FLNB: variants seen among roughly 807,000 people sequenced by gnomAD.
FLNB encodes the protein filamin B, also known as filamin-B.
FLNB carries 111 observed loss-of-function variants against 250.6 expected under a neutral mutation model. That is an observed-to-expected ratio of 0.44 (90% CI 0.38 to 0.52). FLNB has a LOEUF of 0.52. Among genes scored for constraint, FLNB ranks in the 20% least tolerant of loss-of-function variants. FLNB has a pLI of 0.00. For synonymous variants in FLNB, 1,302 were observed against 1,372.1 expected (o/e 0.95, Z 1.13); for missense variants, 2,869 against 3,447.8 (o/e 0.83, Z 4.20).
In FLNB at chr3:58,170,600, C is replaced by T. The variant is rs942330306; in HGVS notation, c.7647C>T (p.Val2549=). Residue 2549 remains valine (V), a synonymous_variant, in exon 46 of 46, where the codon GTC becomes GTT. Coordinates refer to ENST00000295956, the MANE Select transcript of FLNB (RefSeq NM_001457.4). ...GCTCCAACATGCTGCTGATCGGGGT[C>T]CATGGGCCCACCACCCCCTGCGAGG... is the stretch of plus-strand genomic sequence containing the variant. ...KAGSNMLLIG[V]HGPTTPCEEV... is the part of the protein sequence containing the mutation. 1.2e-6 allele frequency: 2 copies of T among 1,614,016 alleles called. No individual in the cohort carries two copies. Among genetic ancestry groups the T allele is most frequent in the Non-Finnish European group, 1.7e-6 (2 of 1,180,030 alleles).
At chr3:58,117,339 G>A (rs2097280189) in intron 18 of FLNB, among the ~76,000 whole-genome samples, 1 of 152,150 alleles carries the variant, frequency 6.6e-6, no homozygotes, top group South Asian at 2.1e-4. Flanking sequence ...CTGAGTTTTT[G>A]TTTTGTTTTT....
chr3:58,148,408 G>C lies in FLNB; in HGVS notation c.5887+44G>C, dbSNP rs148228951. The C allele has an allele frequency of 1.9e-4, 305 of 1,594,602 alleles. 3 individuals are homozygous for C. In the South Asian group the frequency reaches 2.9e-3, roughly 15 times the overall value. On this transcript the variant is annotated intron_variant, in intron 35 of 45. Coordinates refer to ENST00000295956, the MANE Select transcript of FLNB (RefSeq NM_001457.4). The stretch of plus-strand genomic sequence containing the variant: ...CCTGGCTGGAGCCAGGACATCTTGG[G>C]TGGGAGATGGGGACTCTTGCAGTCC...
At position 58,123,418 on chromosome 3, in the gene FLNB, C is replaced by T. The variant is rs1380554341; in HGVS notation, c.3452C>T (p.Ala1151Val). 2 of 1,613,898 alleles carry T rather than the reference C, an allele frequency of 1.2e-6. No individual in the cohort carries two copies. The highest frequency in any genetic ancestry group is 1.7e-6 in the Non-Finnish European group (2 of 1,179,934). The change falls in exon 21 of 46, where the codon GCT becomes GTT. Residue 1151 changes from alanine (A) to valine (V), a missense_variant. By Grantham distance (64) the Ala-to-Val change is moderately conservative. Around this residue, in one of 5 missense-constraint regions of FLNB, gnomAD observed 1,348 missense variants for 1,466.7 expected, o/e 0.92. Coordinates refer to ENST00000295956, the MANE Select transcript of FLNB (RefSeq NM_001457.4). ...PGLEHGKVGEAGLLSVDCSEA... is the reference protein window; with the variant it reads ...PGLEHGKVGEVGLLSVDCSEA... ...CTCGAGCACGGGAAGGTGGGTGAAG[C>T]TGGCCTCCTTAGCGTCGACTGCTCG...
chr3:58,075,594 C>A (rs2106941009), intron 1 of FLNB, among the ~76,000 whole-genome samples: 1 of 152,150 alleles, frequency 6.6e-6, no homozygotes, highest in African/African-American at 2.4e-5. Context: ...CAGCGGGAAC[C>A]CTGGTGAATT....
chr3:58,102,468 T>C lies in FLNB; in HGVS notation c.1483+128T>C. 2.8e-6 allele frequency: 3 copies of C among 1,086,816 alleles called. No homozygotes were observed. The Admixed American group carries it at 5.2e-5, about 19-fold the overall frequency. 67.3% of individuals were successfully genotyped at this position (1,086,816 alleles called of 1,614,324 possible). ...GAAGGCTATGTCAAGGATTTGAGGC[T>C]ATCTGGGCTCCTTGGGGAAGACGGC... On this transcript the variant is annotated intron_variant, in intron 9 of 45. Transcript: ENST00000295956.
chr3:58,112,474 G>A (rs2097270537), intron 18 of FLNB, among the ~76,000 whole-genome samples, 156 bp downstream of exon 18: 1 of 152,206 alleles, frequency 6.6e-6, no homozygotes, highest in South Asian at 2.1e-4. Flanking sequence ...ACCCCTCTGG[G>A]AGCACCTATA....
At chr3:58,129,978 C>T (rs564725436) in intron 24 of FLNB, among the ~76,000 whole-genome samples, 1 of 152,360 alleles carries the variant, frequency 6.6e-6, no homozygotes, top group Admixed American at 6.5e-5. Context: ...ATCTTTAAAA[C>T]TGACACCCTC....
chr3:58,069,602 G>A (rs112725210), intron 1 of FLNB, among the ~76,000 whole-genome samples: 6 of 152,012 alleles, frequency 3.9e-5, no homozygotes, highest in East Asian at 1.9e-4. Flanking sequence ...AGAAGGACAC[G>A]TCTGAGCCGG....
chr3:58,056,621 A>C (rs2097171039), intron 1 of FLNB, among the ~76,000 whole-genome samples: 1 of 152,122 alleles, frequency 6.6e-6, no homozygotes, highest in Non-Finnish European at 1.5e-5. Flanking sequence ...TTTATTTTTG[A>C]GACGGAGTCT....
At chr3:58,070,975 TCTTA>T (rs1311301330) in intron 1 of FLNB, among the ~76,000 whole-genome samples, 3 of 148,394 alleles carry the variant, frequency 2.0e-5, no homozygotes, top group African/African-American at 7.5e-5. Flanking sequence ...TGAGACAGAG[TCTTA>T]CTTTGTTGCC....
At chr3:58,070,658 CTCTTTTT>C (rs1178660637) in intron 1 of FLNB, among the ~76,000 whole-genome samples, 2 of 101,452 alleles carry the variant, frequency 2.0e-5, no homozygotes, top group East Asian at 4.1e-4. Flanking sequence ...CTCTCTCTCT[CTCTTTTT>C]TTTTTTTTTT....
chr3:58,124,829 T>A (rs2097295032), intron 22 of FLNB, among the ~76,000 whole-genome samples: 1 of 141,964 alleles, frequency 7.0e-6, no homozygotes, highest in South Asian at 2.4e-4. Context: ...TTATAAAAAA[T>A]TTCAATAAAT....
At chr3:58,072,182 T>C (rs553338367) in intron 1 of FLNB, among the ~76,000 whole-genome samples, 1 of 152,154 alleles carries the variant, frequency 6.6e-6, no homozygotes, top group Non-Finnish European at 1.5e-5. Flanking sequence ...AAAATGTATG[T>C]GGTTTGAGGG....
chr3:58,067,593 G>GTTTTTTTTTTTTTT (rs375448903), intron 1 of FLNB, among the ~76,000 whole-genome samples: 1 of 140,852 alleles, frequency 7.1e-6, no homozygotes. Flanking sequence ...TTGTTTTTTT[G>GTTTTTTTTTTTTTT]TTTTTTTTTT....
intron 1 of FLNB, among the ~76,000 whole-genome samples, chr3:58,028,810 T>A (rs2097126959): frequency 6.6e-6 from 1 of 151,536 alleles, no homozygotes; most frequent in Non-Finnish European, 1.5e-5. Flanking sequence ...GAGGTGGGAT[T>A]TCACCATGTC....
rs186076647 is a variant in FLNB at position 58,042,486 on chromosome 3, C to T, written c.292+33630C>T. 1.8e-3 allele frequency among the ~76,000 whole-genome samples: 280 copies of T among 151,844 alleles called. 1 individual carries two copies. Among genetic ancestry groups the T allele is most frequent in the Non-Finnish European group, 3.0e-3 (203 of 67,936 alleles). ...ACCTTAGTTTCCTGAGTAGCTGGGA[C>T]TACAGGCATGTGCCACCATGCCCAG... On this transcript the variant is annotated intron_variant, in intron 1 of 45. Coordinates refer to ENST00000295956, the MANE Select transcript of FLNB (RefSeq NM_001457.4).
At chr3:58,027,870 A>G (rs1576603538) in intron 1 of FLNB, among the ~76,000 whole-genome samples, 1 of 152,360 alleles carries the variant, frequency 6.6e-6, no homozygotes, top group East Asian at 1.9e-4. Context: ...CACTAGGTAA[A>G]TGGAAGGTAA....
At position 58,109,421 on chromosome 3, in the gene FLNB, G is replaced by A. The variant is rs2097264821; in HGVS notation, c.2199+99G>A. On this transcript the variant is annotated intron_variant, in intron 14 of 45. Transcript: ENST00000295956. ...GACAGCCAAGGCAGACATATGGAAG[G>A]AACCCATCCCTGGTGGGCCTTGAAT... 17 of 1,585,776 alleles carry A rather than the reference G, an allele frequency of 1.1e-5. 1 individual carries two copies. The South Asian group carries it at 1.8e-4, about 17-fold the overall frequency.
At chr3:58,122,769 G>T (rs1420249037) in intron 20 of FLNB, among the ~76,000 whole-genome samples, 2 of 152,186 alleles carry the variant, frequency 1.3e-5, no homozygotes, top group African/African-American at 2.4e-5. Context: ...GTGTATCTTT[G>T]TTGGAATGGA....
Sources: gnomAD v4.1 joint callset for allele counts (sites outside exome capture counted in the v4.1 genomes callset) on GRCh38, gnomAD v4.1.1 for gene constraint, gnomAD v4.1.1 regional missense constraint, MANE v1.5 for transcripts, NCBI Gene and HGNC (gene_info 2026-07-23, HGNC 2026-07-21) for gene names.